The following FOCAD variants were observed in gnomAD, a reference collection of about 807,000 sequenced individuals.
FOCAD encodes the protein focadhesin, also known as KIAA1797.
In FOCAD, 198 loss-of-function variants were observed where a neutral mutation model predicts 225.6. That is an observed-to-expected ratio of 0.88 (90% CI 0.78 to 0.99). The LOEUF (loss-of-function observed/expected upper bound fraction) is 0.99, where lower values mean the gene tolerates loss of function less well. Ranked by LOEUF, FOCAD falls within the 50% of genes least tolerant of loss-of-function variation. FOCAD has a pLI of 0.00. For missense variants in FOCAD, 2,713 were observed against 2,123.6 expected (o/e 1.28, Z -5.46); for synonymous variants, 897 against 755.0 (o/e 1.19, Z -3.08).
At chr9:20,758,270 TG>T in intron 6 of FOCAD, 79 bp downstream of exon 6, 2 of 943,780 alleles carry the variant, frequency 2.1e-6, no homozygotes, top group African/African-American at 1.7e-5. Context: ...GGTTTTTTTT[TG>T]TTTGTTTGTT....
intron 35 of FOCAD, chr9:20,976,184 GTTA>G (rs1424016714): frequency 2.6e-5 from 6 of 229,270 alleles, no homozygotes; most frequent in South Asian, 2.4e-4. Flanking sequence ...AATATATACA[GTTA>G]TTATATATTA....
At chr9:20,769,262 C>A (rs566952314) in intron 7 of FOCAD, among the ~76,000 whole-genome samples, 12 of 152,124 alleles carry the variant, frequency 7.9e-5, no homozygotes, top group Non-Finnish European at 1.8e-4. Context: ...ATGGTGATAA[C>A]CACTGGTAAA....
intron 15 of FOCAD, among the ~76,000 whole-genome samples, chr9:20,859,062 A>G (rs1369990115): frequency 2.6e-5 from 4 of 152,112 alleles, no homozygotes; most frequent in South Asian, 2.1e-4. Flanking sequence ...ATCTTATTGT[A>G]TGGTCTCTTT....
chr9:20,891,544 A>G (rs939039079), intron 21 of FOCAD, among the ~76,000 whole-genome samples: 51 of 152,218 alleles, frequency 3.4e-4, no homozygotes, highest in African/African-American at 1.2e-3. Flanking sequence ...AGTGGTTTGG[A>G]TAAAGGAACG....
At chr9:20,664,114 TCTC>T (rs773431746) in intron 2 of FOCAD, among the ~76,000 whole-genome samples, 14 of 152,020 alleles carry the variant, frequency 9.2e-5, no homozygotes, top group East Asian at 1.9e-4. Context: ...AACTCTGTTT[TCTC>T]CTCAAGATTC....
intron 28 of FOCAD, among the ~76,000 whole-genome samples, chr9:20,938,107 T>G (rs1007395696): frequency 2.6e-5 from 4 of 152,130 alleles, no homozygotes; most frequent in Non-Finnish European, 5.9e-5. Flanking sequence ...TGTGGAGAAA[T>G]AGGAACACTT....
chr9:20,828,639 T>C (rs557234186), intron 15 of FOCAD, among the ~76,000 whole-genome samples: 1 of 152,164 alleles, frequency 6.6e-6, no homozygotes, highest in African/African-American at 2.4e-5. Flanking sequence ...TTTTGATTTT[T>C]ATTTTAAGTT....
intron 11 of FOCAD, among the ~76,000 whole-genome samples, chr9:20,803,781 G>A (rs1322560908): frequency 6.6e-6 from 1 of 152,134 alleles, no homozygotes; most frequent in Non-Finnish European, 1.5e-5. Context: ...TGTTCGAGGT[G>A]AAGACACCCT....
In FOCAD at chr9:20,665,936, C is replaced by A. The variant is rs551706141; in HGVS notation, c.-78+7110C>A. Reference sequence around the variant, plus strand: ...TTTAGACGGAGTCTCGCTCTGTCACCGAGGTTGGAGTGCAATGGCGTGGTC... The same window carrying A: ...TTTAGACGGAGTCTCGCTCTGTCACAGAGGTTGGAGTGCAATGGCGTGGTC... On this transcript the variant is annotated intron_variant, in intron 2 of 45. Coordinates refer to the FOCAD transcript ENST00000380249. Among the ~76,000 whole-genome samples the A allele has an allele frequency of 4.5e-4, 68 of 151,906 alleles. 1 individual carries two copies. Among genetic ancestry groups the A allele is most frequent in the African/African-American group, 1.5e-3 (64 of 41,458 alleles).
intron 6 of FOCAD, among the ~76,000 whole-genome samples, chr9:20,762,557 T>G (rs1829699329): frequency 6.6e-6 from 1 of 152,266 alleles, no homozygotes; most frequent in Admixed American, 6.5e-5. Context: ...TTAATTGGCT[T>G]GGTAACTTTT....
At chr9:20,766,568 A>T (rs1279480906) in intron 7 of FOCAD, among the ~76,000 whole-genome samples, 1 of 152,036 alleles carries the variant, frequency 6.6e-6, no homozygotes, top group Non-Finnish European at 1.5e-5. Flanking sequence ...AACAAAATGA[A>T]ATAAGCTTTT....
At chr9:20,815,123 G>GTTTTTTTTTTTTTTTTTT (rs71334554) in intron 11 of FOCAD, among the ~76,000 whole-genome samples, 3 of 85,396 alleles carry the variant, frequency 3.5e-5, no homozygotes, top group African/African-American at 1.4e-4. Context: ...ACTTCTCTTT[G>GTTTTTTTTTTTTTTTTTT]TTTTTTTTTT....
intron 28 of FOCAD, among the ~76,000 whole-genome samples, chr9:20,939,097 C>T (rs1836348074): frequency 7.0e-6 from 1 of 142,310 alleles, no homozygotes; most frequent in African/African-American, 2.6e-5. Context: ...TTGCAGTGAG[C>T]CGAGATCGTG....
intron 35 of FOCAD, among the ~76,000 whole-genome samples, chr9:20,959,146 C>T (rs1838470049): frequency 6.6e-6 from 1 of 152,136 alleles, no homozygotes; most frequent in African/African-American, 2.4e-5. Context: ...AGTTTACATT[C>T]CCACCAACAG....
At chr9:20,686,747 A>G (rs1276999548) in intron 1 of FOCAD, among the ~76,000 whole-genome samples, 1 of 152,200 alleles carries the variant, frequency 6.6e-6, no homozygotes, top group Non-Finnish European at 1.5e-5. Flanking sequence ...ATAATAAAGT[A>G]TGGTATACTT....
At chr9:20,727,514 TC>T (rs1826301626) in intron 4 of FOCAD, among the ~76,000 whole-genome samples, 2 of 152,196 alleles carry the variant, frequency 1.3e-5, no homozygotes, top group Non-Finnish European at 2.9e-5. Context: ...ACATTACATC[TC>T]TTAGATTTTA....
chr9:20,785,750 A>G (rs1183999688), intron 10 of FOCAD, among the ~76,000 whole-genome samples: 1 of 152,030 alleles, frequency 6.6e-6, no homozygotes, highest in Non-Finnish European at 1.5e-5. Context: ...AAATGTTTTC[A>G]TTTCTCTTGA....
At chr9:20,674,847 G>C (rs1195362292) in intron 2 of FOCAD, among the ~76,000 whole-genome samples, 2 of 152,194 alleles carry the variant, frequency 1.3e-5, no homozygotes, top group Non-Finnish European at 2.9e-5. Context: ...TGAAATTTAA[G>C]AAGCCTGATT....
At chr9:20,871,491 A>G (rs1029487723) in intron 18 of FOCAD, among the ~76,000 whole-genome samples, 1 of 151,906 alleles carries the variant, frequency 6.6e-6, no homozygotes, top group Non-Finnish European at 1.5e-5. Context: ...TTTTACTCGC[A>G]TTGACCTTAT....
Sources: allele counts gnomAD v4.1 joint callset (sites outside exome capture counted in the v4.1 genomes callset), GRCh38; gene constraint gnomAD v4.1.1; transcripts MANE v1.5; gene names NCBI Gene and HGNC (gene_info 2026-07-23, HGNC 2026-07-21).